The following TRAPPC9 variants were observed in gnomAD, a reference collection of about 807,000 sequenced individuals.
TRAPPC9 encodes the protein trafficking protein particle complex subunit 9, also known as IKK2 binding protein.
Under a neutral mutation model 124.0 loss-of-function variants are expected in TRAPPC9, and 83 were observed. The ratio of observed to expected loss-of-function variants is 0.67; its 90% CI spans 0.56 to 0.80. TRAPPC9 has a LOEUF of 0.80. Ranked by LOEUF, TRAPPC9 falls within the 30% of genes least tolerant of loss-of-function variation. The probability of loss-of-function intolerance (pLI) is 0.00; values close to 1 mark genes in which losing one functional copy is unlikely to be tolerated. For synonymous variants in TRAPPC9, 638 were observed against 617.5 expected (o/e 1.03, Z -0.49); for missense variants, 1,302 against 1,508.3 (o/e 0.86, Z 2.27).
At chr8:140,260,659 C>T (rs747922316) in intron 15 of TRAPPC9, among the ~76,000 whole-genome samples, 5 of 152,236 alleles carry the variant, frequency 3.3e-5, no homozygotes, top group Non-Finnish European at 7.3e-5. Flanking sequence ...ACTGAAACAA[C>T]CATCTATTAA....
intron 21 of TRAPPC9, among the ~76,000 whole-genome samples, chr8:139,829,677 C>T (rs76429090): frequency 0.011 from 1,617 of 152,264 alleles, 21 homozygotes; most frequent in African/African-American, 0.037. Flanking sequence ...ACACAGTTTG[C>T]GGGGCTATGA....
chr8:139,892,580 C>T (rs1587118569), intron 20 of TRAPPC9, among the ~76,000 whole-genome samples: 1 of 152,212 alleles, frequency 6.6e-6, no homozygotes, highest in Admixed American at 6.5e-5. Flanking sequence ...GGGTAACACG[C>T]ACCACAGGTT....
chr8:140,065,660 C>G (rs764359439), intron 17 of TRAPPC9, among the ~76,000 whole-genome samples: 1 of 152,218 alleles, frequency 6.6e-6, no homozygotes, highest in Non-Finnish European at 1.5e-5. Flanking sequence ...TGGATGACAG[C>G]GCATCTGTTT....
intron 17 of TRAPPC9, among the ~76,000 whole-genome samples, chr8:140,180,803 T>C (rs1329440394): frequency 6.6e-6 from 1 of 152,146 alleles, no homozygotes; most frequent in Non-Finnish European, 1.5e-5. Context: ...GCTTTTCCTC[T>C]GGCTAAAGAT....
At chr8:140,189,962 CATCT>C (rs1285738505) in intron 17 of TRAPPC9, among the ~76,000 whole-genome samples, 1 of 152,180 alleles carries the variant, frequency 6.6e-6, no homozygotes, top group Non-Finnish European at 1.5e-5. Flanking sequence ...ATAGCTCTCT[CATCT>C]ATCTTAGGCA....
At chr8:140,203,363 A>T (rs1472086693) in intron 17 of TRAPPC9, among the ~76,000 whole-genome samples, 1 of 152,096 alleles carries the variant, frequency 6.6e-6, no homozygotes. Context: ...CTCTCCTTTC[A>T]TTTTTGTTTG....
chr8:139,798,488 G>A (rs773909788), intron 21 of TRAPPC9, among the ~76,000 whole-genome samples: 32 of 152,192 alleles, frequency 2.1e-4, no homozygotes, highest in Non-Finnish European at 3.4e-4. Context: ...ATGAGAAGAC[G>A]GGGACCTGAG....
intron 21 of TRAPPC9, among the ~76,000 whole-genome samples, chr8:139,746,295 T>A (rs530870610): frequency 6.6e-6 from 1 of 152,036 alleles, no homozygotes; most frequent in Non-Finnish European, 1.5e-5. Context: ...CTGCAGCCCC[T>A]CTCCAAGGGA....
rs1438008442 is a variant in TRAPPC9, at chr8:140,371,122, A to G, written c.1193T>C (p.Ile398Thr). The G allele has an allele frequency of 2.5e-6, 4 of 1,614,076 alleles. No homozygotes were observed. The highest frequency in any genetic ancestry group is 3.4e-6 in the Non-Finnish European group (4 of 1,180,026). ...GAACGCAGACTTGCGATGGAAGCCG[A>G]TCAGCTCATAGAGCTCGGAGAGGAT... ...YSILSELYEL[I>T]GFHRKSAFFK... The change falls in exon 8 of 23, where the codon ATC becomes ACC. Residue 398 changes from isoleucine to threonine, a missense_variant. Physicochemically the swap from Ile to Thr is moderately conservative, Grantham distance 89 (BLOSUM62 -1). Around this residue, in one of 3 missense-constraint regions of TRAPPC9, gnomAD observed 657 missense variants for 811.2 expected, o/e 0.81. Coordinates refer to ENST00000438773, the MANE Select transcript of TRAPPC9 (RefSeq NM_001160372.4).
intron 21 of TRAPPC9, among the ~76,000 whole-genome samples, chr8:139,802,207 C>A (rs1823586043): frequency 6.6e-6 from 1 of 152,160 alleles, no homozygotes; most frequent in African/African-American, 2.4e-5. Flanking sequence ...TGGCCCTGCA[C>A]AAATGTACTT....
rs566370991 is a variant in TRAPPC9 at position 139,812,235 on chromosome 8, T to G, written c.3055+73644A>C. ...TAATTCTAGAAAAAGCAAAAAAAACTGTTTAAGGAAGGGAAGTATAATCAT... is the reference window on the plus strand; with the variant it reads ...TAATTCTAGAAAAAGCAAAAAAAACGGTTTAAGGAAGGGAAGTATAATCAT... On this transcript the variant is annotated intron_variant, in intron 21 of 22. Coordinates refer to ENST00000438773, the MANE Select transcript of TRAPPC9 (RefSeq NM_001160372.4). Among the ~76,000 whole-genome samples the G allele has an allele frequency of 9.2e-5, 14 of 152,080 alleles. No individual in the cohort carries two copies. In the East Asian group the frequency reaches 2.7e-3, roughly 29 times the overall value.
chr8:139,863,243 C>T (rs773456335), intron 21 of TRAPPC9, among the ~76,000 whole-genome samples: 42 of 152,254 alleles, frequency 2.8e-4, no homozygotes, highest in Non-Finnish European at 4.8e-4. Flanking sequence ...CCCACAGGCG[C>T]GGTCCCTGTC....
chr8:139,735,580 G>C (rs1818104455), intron 21 of TRAPPC9, among the ~76,000 whole-genome samples: 1 of 152,230 alleles, frequency 6.6e-6, no homozygotes, highest in African/African-American at 2.4e-5. Flanking sequence ...GGGCAGCCTG[G>C]TTGCTGGTTC....
rs190670819 is a variant in TRAPPC9, at chr8:140,070,511, T to C, written c.2557-46432A>G. The stretch of plus-strand genomic sequence containing the variant: ...CAAAGCTATGTGATTTTTCTTTCAA[T>C]AATCGACACTTAATTAGTAATTCCA... On this transcript the variant is annotated intron_variant, in intron 17 of 22. Coordinates refer to ENST00000438773, the MANE Select transcript of TRAPPC9 (RefSeq NM_001160372.4). 3.5e-3 allele frequency among the ~76,000 whole-genome samples: 532 copies of C among 152,354 alleles called. 2 individuals carry two copies. Among genetic ancestry groups the C allele is most frequent in the Non-Finnish European group, 5.8e-3 (392 of 68,038 alleles).
At chr8:139,880,810 G>C (rs1829632639) in intron 21 of TRAPPC9, among the ~76,000 whole-genome samples, 1 of 152,208 alleles carries the variant, frequency 6.6e-6, no homozygotes, top group African/African-American at 2.4e-5. Context: ...ACTGCAAACA[G>C]GAAAATATCA....
chr8:140,286,325 C>A (rs74732179), intron 13 of TRAPPC9, among the ~76,000 whole-genome samples: 4,229 of 152,240 alleles, frequency 0.028, 115 homozygotes, highest in African/African-American at 0.065. Flanking sequence ...AAGGACTGGG[C>A]CTTGATAACA....
chr8:140,433,044 T>C (rs1324031241), intron 4 of TRAPPC9, among the ~76,000 whole-genome samples: 2 of 152,214 alleles, frequency 1.3e-5, no homozygotes, highest in Admixed American at 6.5e-5. Context: ...TGCTCACACC[T>C]GTAATCCCAG....
intron 9 of TRAPPC9, among the ~76,000 whole-genome samples, chr8:140,342,961 G>A (rs1023870586): frequency 5.3e-5 from 8 of 152,084 alleles, no homozygotes; most frequent in Admixed American, 1.3e-4. Flanking sequence ...CTTTCAACCC[G>A]AACCCCGTAT....
At chr8:139,980,756 G>A (rs930471318) in intron 19 of TRAPPC9, among the ~76,000 whole-genome samples, 2 of 152,216 alleles carry the variant, frequency 1.3e-5, no homozygotes, top group Non-Finnish European at 2.9e-5. Flanking sequence ...GCCCGTGCGT[G>A]TTCATCTCAG....
Sources: allele counts gnomAD v4.1 joint callset (sites outside exome capture counted in the v4.1 genomes callset), GRCh38; gene constraint gnomAD v4.1.1; regional missense constraint gnomAD v4.1.1; transcripts MANE v1.5; gene names NCBI Gene and HGNC (gene_info 2026-07-23, HGNC 2026-07-21).